The following KHDRBS2 variants were observed in gnomAD, a reference collection of about 807,000 sequenced individuals.
KHDRBS2 encodes KH RNA binding domain containing, signal transduction associated 2, also known as KH domain-containing, RNA-binding, signal transduction-associated protein 2.
KHDRBS2 carries 26 observed loss-of-function variants against 44.3 expected under a neutral mutation model. The ratio of observed to expected loss-of-function variants is 0.59; its 90% CI spans 0.43 to 0.81. The LOEUF is 0.81. KHDRBS2 is among the 40% of genes least tolerant of loss of function. The pLI, the probability that KHDRBS2 is intolerant of heterozygous loss-of-function variation, is 0.00. For missense variants in KHDRBS2, 476 were observed against 433.1 expected (o/e 1.10, Z -0.88); for synonymous variants, 194 against 151.1 (o/e 1.28, Z -2.08).
intron 3 of KHDRBS2, among the ~76,000 whole-genome samples, chr6:61,994,782 G>A (rs977642748): frequency 6.6e-6 from 1 of 152,158 alleles, no homozygotes; most frequent in Non-Finnish European, 1.5e-5. Flanking sequence ...AAAGGAGTGG[G>A]AAGATCCTGG....
At chr6:61,782,294 G>A (rs545821923) in intron 6 of KHDRBS2, among the ~76,000 whole-genome samples, 2 of 150,230 alleles carry the variant, frequency 1.3e-5, no homozygotes, top group South Asian at 4.2e-4. Context: ...GGGATGCCAA[G>A]GCCAAGTTAT....
the KHDRBS2 span, among the ~76,000 whole-genome samples, chr6:61,562,673 C>T: frequency 6.6e-6 from 1 of 152,006 alleles, no homozygotes; most frequent in Non-Finnish European, 1.5e-5. Context: ...AGATAGAACC[C>T]CCATCTTCCA....
At chr6:61,878,292 G>A (rs1799729265) in intron 6 of KHDRBS2, among the ~76,000 whole-genome samples, 1 of 151,906 alleles carries the variant, frequency 6.6e-6, no homozygotes, top group Non-Finnish European at 1.5e-5. Context: ...TAATTATTAA[G>A]TTTTCTTCTA....
At chr6:61,659,317 T>C in the KHDRBS2 span, among the ~76,000 whole-genome samples, 4 of 151,822 alleles carry the variant, frequency 2.6e-5, no homozygotes, top group Non-Finnish European at 4.4e-5. Context: ...TCTTATATCC[T>C]GATAATCAAG....
At chr6:62,108,117 T>C (rs1562880239) in intron 2 of KHDRBS2, among the ~76,000 whole-genome samples, 1 of 151,964 alleles carries the variant, frequency 6.6e-6, no homozygotes, top group Non-Finnish European at 1.5e-5. Context: ...ACTAAAGAGC[T>C]TCTGCACAGC....
intron 7 of KHDRBS2, among the ~76,000 whole-genome samples, chr6:61,714,089 T>C (rs1031438177): frequency 2.6e-5 from 4 of 151,670 alleles, no homozygotes; most frequent in African/African-American, 4.8e-5. Context: ...AAATAAATAA[T>C]TAATAGAGTG....
chr6:61,670,126 A>G, the KHDRBS2 span, among the ~76,000 whole-genome samples: 1 of 151,406 alleles, frequency 6.6e-6, no homozygotes, highest in African/African-American at 2.4e-5. Flanking sequence ...TATTTACTTT[A>G]CATACTATTT....
the KHDRBS2 span, among the ~76,000 whole-genome samples, chr6:61,620,072 G>A: frequency 6.6e-6 from 1 of 151,930 alleles, no homozygotes; most frequent in Non-Finnish European, 1.5e-5. Flanking sequence ...TTCCATTGCT[G>A]TTGGCTATTT....
At chr6:62,259,507 G>A (rs551031505) in intron 1 of KHDRBS2, among the ~76,000 whole-genome samples, 2 of 151,486 alleles carry the variant, frequency 1.3e-5, no homozygotes, top group South Asian at 4.2e-4. Flanking sequence ...ATATTACTAT[G>A]ATGAATAAAC....
chr6:61,764,537 C>G (rs1462748075), intron 6 of KHDRBS2, among the ~76,000 whole-genome samples: 2 of 152,114 alleles, frequency 1.3e-5, no homozygotes, highest in Non-Finnish European at 2.9e-5. Context: ...TTGCCAGCAT[C>G]TGTTGTTTCT....
intron 3 of KHDRBS2, among the ~76,000 whole-genome samples, chr6:61,980,942 A>C (rs2127404911): frequency 6.6e-6 from 1 of 152,282 alleles, no homozygotes; most frequent in South Asian, 2.1e-4. Flanking sequence ...TCAATGCTAA[A>C]ACCTCACGTC....
At chr6:62,160,904 A>G (rs1817482954) in intron 2 of KHDRBS2, among the ~76,000 whole-genome samples, 1 of 152,120 alleles carries the variant, frequency 6.6e-6, no homozygotes, top group Admixed American at 6.6e-5. Context: ...TACAATCATC[A>G]CTATCATTCA....
chr6:61,815,879 T>C (rs142540156), intron 6 of KHDRBS2, among the ~76,000 whole-genome samples: 63 of 152,258 alleles, frequency 4.1e-4, no homozygotes, highest in African/African-American at 1.5e-3. Context: ...GATAAATGTA[T>C]TTTTAAAATA....
At chr6:61,905,104 G>A (rs552265446) in intron 4 of KHDRBS2, among the ~76,000 whole-genome samples, 1 of 152,262 alleles carries the variant, frequency 6.6e-6, no homozygotes, top group Non-Finnish European at 1.5e-5. Context: ...GGATAGCAAT[G>A]AGTATTTTTA....
intron 1 of KHDRBS2, among the ~76,000 whole-genome samples, chr6:62,180,308 G>A (rs893592374): frequency 4.0e-5 from 6 of 151,766 alleles, no homozygotes; most frequent in African/African-American, 9.7e-5. Context: ...AAGACTTCAC[G>A]TAAAAACTAT....
chr6:62,101,216 C>T (rs931977916), intron 2 of KHDRBS2, among the ~76,000 whole-genome samples: 2 of 151,326 alleles, frequency 1.3e-5, no homozygotes, highest in African/African-American at 4.8e-5. Flanking sequence ...ATAAACTTGT[C>T]CTAAAATCTT....
At chr6:61,682,657 G>A (rs2127538400) in intron 8 of KHDRBS2, among the ~76,000 whole-genome samples, 1 of 151,940 alleles carries the variant, frequency 6.6e-6, no homozygotes, top group East Asian at 2.0e-4. Flanking sequence ...TTTATACTCT[G>A]GGCTTTTACA....
the KHDRBS2 span, among the ~76,000 whole-genome samples, chr6:61,591,642 A>G: frequency 6.6e-6 from 1 of 152,090 alleles, no homozygotes; most frequent in African/African-American, 2.4e-5. Flanking sequence ...GAAGCAGGAA[A>G]CCAGATCAGG....
the KHDRBS2 span, among the ~76,000 whole-genome samples, chr6:61,593,795 C>A: frequency 1.3e-5 from 2 of 152,144 alleles, no homozygotes; most frequent in East Asian, 3.9e-4. Context: ...CTCAAAATAT[C>A]TTGAGTTTCC....
Sources: allele counts gnomAD v4.1 joint callset (sites outside exome capture counted in the v4.1 genomes callset), GRCh38; gene constraint gnomAD v4.1.1; transcripts MANE v1.5; gene names NCBI Gene and HGNC (gene_info 2026-07-23, HGNC 2026-07-21).